The following WIPF1 variants were observed in gnomAD, a reference collection of about 807,000 sequenced individuals.
WIPF1 encodes WAS/WASL-interacting protein family member 1.
Under a neutral mutation model 35.4 loss-of-function variants are expected in WIPF1, and 13 were observed. That is an observed-to-expected ratio of 0.37 (90% CI 0.24 to 0.58). WIPF1 has a LOEUF of 0.58. Ranked by LOEUF, WIPF1 falls within the 20% of genes least tolerant of loss-of-function variation. WIPF1 has a pLI of 0.74. For synonymous variants in WIPF1, 267 were observed against 266.3 expected, an observed-to-expected ratio of 1.00 and a Z score of -0.02; for missense variants, 591 against 667.0, an observed-to-expected ratio of 0.89 and a Z score of 1.25.
chr2:174,620,418 G>A (rs1413841965), intron 1 of WIPF1, among the ~76,000 whole-genome samples: 1 of 152,156 alleles, frequency 6.6e-6, no homozygotes, highest in African/African-American at 2.4e-5. Context: ...GAATATATTT[G>A]AAAAAGAAAC....
intron 7 of WIPF1, 68 bp from the exon 8 acceptor site, chr2:174,562,670 G>T: frequency 1.3e-6 from 2 of 1,586,468 alleles, no homozygotes; most frequent in Non-Finnish European, 1.7e-6. Context: ...GGAAACTCGG[G>T]GATGGTTGCA....
intron 3 of WIPF1, among the ~76,000 whole-genome samples, chr2:174,580,784 T>C (rs1016560464): frequency 6.6e-6 from 1 of 152,242 alleles, no homozygotes; most frequent in Non-Finnish European, 1.5e-5. Context: ...CTCCTAATAA[T>C]TGTATCTTAC....
chr2:174,578,186 G>A (rs1374035030), intron 3 of WIPF1, among the ~76,000 whole-genome samples: 1 of 152,082 alleles, frequency 6.6e-6, no homozygotes, highest in East Asian at 1.9e-4. Flanking sequence ...CCAAAGTAGT[G>A]ACTAAAAATG....
intron 1 of WIPF1, among the ~76,000 whole-genome samples, chr2:174,607,443 A>G (rs1319497269): frequency 6.6e-6 from 1 of 152,168 alleles, no homozygotes; most frequent in Non-Finnish European, 1.5e-5. Flanking sequence ...ACCTCTGAAC[A>G]TGGTTGCATT....
rs935868537 is a variant in WIPF1, at chr2:174,571,553, A to G, written c.1129+123T>C. On this transcript the variant is annotated intron_variant, in intron 5 of 7. Transcript: ENST00000679041. This position sits in a 1 kb window ranked among gnomAD's most constrained non-coding sequence, Gnocchi z 4.6. ...GATCACACGTGTCGTGTGCCACTTA[A>G]AAGCACAAAGCAGTCTGAGTTTACT... 7.3e-7 allele frequency: 1 copy of G among 1,378,154 alleles called. No homozygotes were observed. The highest frequency in any genetic ancestry group is 1.7e-5 in the Admixed American group (1 of 59,612). 85.4% of individuals were successfully genotyped at this position (1,378,154 alleles called of 1,614,324 possible).
intron 1 of WIPF1, among the ~76,000 whole-genome samples, chr2:174,671,164 C>T (rs2105986659): frequency 6.6e-6 from 1 of 152,348 alleles, no homozygotes; most frequent in South Asian, 2.1e-4. Context: ...GGCAGAAGAA[C>T]ATAAGTTGTG....
chr2:174,574,635 T>C (rs550020819), intron 4 of WIPF1: 3 of 428,346 alleles, frequency 7.0e-6, no homozygotes, highest in South Asian at 1.2e-4. Context: ...AGTTTTTTTC[T>C]ACCATCAGGT....
At chr2:174,601,214 A>AAG (rs1467860210), upstream of WIPF1, among the ~76,000 whole-genome samples, 5 of 152,158 alleles carry the variant, frequency 3.3e-5, no homozygotes, top group African/African-American at 1.2e-4. Flanking sequence ...GGTGTGAACC[A>AAG]CCACGCTGCC....
At chr2:174,578,949 A>G (rs1685150352) in intron 3 of WIPF1, among the ~76,000 whole-genome samples, 1 of 152,250 alleles carries the variant, frequency 6.6e-6, no homozygotes, top group South Asian at 2.1e-4. Context: ...TGCACTTCAC[A>G]GGACACGTTT....
chr2:174,569,214 A>G (rs1381875366), intron 5 of WIPF1, among the ~76,000 whole-genome samples: 1 of 152,208 alleles, frequency 6.6e-6, no homozygotes, highest in East Asian at 1.9e-4. Context: ...TAAACTGAAC[A>G]ACCTGCCCAC....
upstream of WIPF1, among the ~76,000 whole-genome samples, chr2:174,599,995 C>A (rs542269265): frequency 6.6e-6 from 1 of 152,304 alleles, no homozygotes; most frequent in Middle Eastern, 3.4e-3. Flanking sequence ...CAACTCAGAT[C>A]ATCAGGCATT....
At chr2:174,595,231 C>CA (rs1685780466) in intron 1 of WIPF1, among the ~76,000 whole-genome samples, 1 of 125,928 alleles carries the variant, frequency 7.9e-6, no homozygotes, top group South Asian at 2.4e-4. Context: ...TTTGAGGGTG[C>CA]AGTGAGCTGT....
chr2:174,667,094 T>C (rs1010928108), intron 1 of WIPF1, among the ~76,000 whole-genome samples: 3 of 152,244 alleles, frequency 2.0e-5, no homozygotes, highest in Non-Finnish European at 4.4e-5. Context: ...CTAAGCTTTT[T>C]ATTTTGTCCT....
chr2:174,641,523 C>A (rs2105947881), intron 1 of WIPF1, among the ~76,000 whole-genome samples: 1 of 152,334 alleles, frequency 6.6e-6, no homozygotes, highest in East Asian at 1.9e-4. Context: ...ATTTTGGGAG[C>A]ATGATGTTTT....
At chr2:174,643,999 G>A (rs7579657) in intron 1 of WIPF1, among the ~76,000 whole-genome samples, 37,071 of 152,010 alleles carry the variant, frequency 0.24, 6,204 homozygotes, top group East Asian at 0.67. Context: ...AACAATGAGA[G>A]TCACTGATTT....
At chr2:174,603,430 G>C (rs1269724466) in intron 1 of WIPF1, among the ~76,000 whole-genome samples, 1 of 152,228 alleles carries the variant, frequency 6.6e-6, no homozygotes, top group Non-Finnish European at 1.5e-5. Flanking sequence ...GGGAAGGCTA[G>C]CGCAGGCTGG....
At chr2:174,658,716 T>C (rs1687695989) in intron 1 of WIPF1, among the ~76,000 whole-genome samples, 3 of 151,796 alleles carry the variant, frequency 2.0e-5, no homozygotes, top group Admixed American at 2.0e-4. Flanking sequence ...TGCAGGGTTG[T>C]TCAGACCATG....
Position 174,571,867 on chromosome 2 carries a change from G to A in WIPF1, c.938C>T (p.Pro313Leu). Residue 313 changes from proline to leucine, a missense_variant, in exon 5 of 8, where the codon CCC becomes CTC. This residue lies in a region of WIPF1 where 471 missense variants were observed against 501.1 expected (regional missense o/e 0.94). Transcript: ENST00000679041. The surrounding 1 kb of genome is among the most constrained non-coding windows in gnomAD (Gnocchi z 4.6). ...CAGAGGAGGCGGCCCGGGCCTGCTG[G>A]GAGGTGGCGGCGGAGGTGGGGCCTG... ...SSQAPPPPPP[P>L]SRPGPPPLPP... is the part of the protein sequence containing the mutation. 6.2e-7 allele frequency: 1 copy of A among 1,613,290 alleles called. No individual in the cohort carries two copies. Among genetic ancestry groups the A allele is most frequent in the Non-Finnish European group, 8.5e-7 (1 of 1,179,710 alleles).
chr2:174,594,246 G>C (rs1352143893), intron 1 of WIPF1, among the ~76,000 whole-genome samples: 1 of 152,158 alleles, frequency 6.6e-6, no homozygotes, highest in Middle Eastern at 3.2e-3. Context: ...TTATTTTGGC[G>C]GGGAGTAGGA....
Sources: gnomAD v4.1 joint callset for allele counts (sites outside exome capture counted in the v4.1 genomes callset) on GRCh38, gnomAD v4.1.1 for gene constraint, gnomAD v4.1.1 regional missense constraint, Gnocchi (gnomAD v3.1) non-coding constraint, MANE v1.5 for transcripts, NCBI Gene and HGNC (gene_info 2026-07-23, HGNC 2026-07-21) for gene names.